ANXA4: variants seen among roughly 807,000 people sequenced by gnomAD.
ANXA4 encodes the protein 35-beta calcimedin.
A neutral mutation model predicts 49.8 loss-of-function variants in ANXA4; 39 were observed. The observed-to-expected ratio is 0.78, with a 90% confidence interval of 0.61 to 1.02. ANXA4 has a LOEUF of 1.02. Among genes scored for constraint, ANXA4 ranks in the 50% least tolerant of loss-of-function variants. ANXA4 has a pLI of 0.00. For synonymous variants in ANXA4, 134 were observed against 152.5 expected (o/e 0.88, Z 0.89); for missense variants, 360 against 410.1 (o/e 0.88, Z 1.05).
Position 69,820,793 on chromosome 2 carries a change from A to T in ANXA4, c.878A>T (p.Tyr293Phe), listed in dbSNP as rs759441724. 4 of 1,613,978 alleles carry T rather than the reference A, an allele frequency of 2.5e-6. No individual in the cohort carries two copies. In the African/African-American group the frequency reaches 4.0e-5, roughly 16 times the overall value. Reference protein sequence around the residue: ...LDIRAHFKRLYGKSLYSFIKG... With the variant: ...LDIRAHFKRLFGKSLYSFIKG... Reference sequence around the variant, plus strand: ...ATCCGGGCACACTTCAAGAGACTCTATGGAAAGTCTCTGTACTCGTTCATC... The same window carrying T: ...ATCCGGGCACACTTCAAGAGACTCTTTGGAAAGTCTCTGTACTCGTTCATC... Residue 293 changes from tyrosine to phenylalanine, a missense_variant, in exon 12 of 13, where the codon TAT becomes TTT. Tyr to Phe is a conservative substitution (Grantham distance 22). Transcript: ENST00000394295.
chr2:69,821,413 C>T (rs955523258), intron 12 of ANXA4, among the ~76,000 whole-genome samples: 8 of 152,120 alleles, frequency 5.3e-5, no homozygotes, highest in African/African-American at 1.7e-4. Flanking sequence ...GATCTGTGAA[C>T]TAAATATTCT....
intron 2 of ANXA4, among the ~76,000 whole-genome samples, chr2:69,696,327 T>C (rs6546542): frequency 0.99 from 150,112 of 152,352 alleles, 73,962 homozygotes; most frequent in East Asian, 1. Flanking sequence ...GAAAGCAATT[T>C]CTCATCTGTT....
chr2:69,651,244 G>A (rs1195501862), intron 1 of ANXA4, among the ~76,000 whole-genome samples: 1 of 152,136 alleles, frequency 6.6e-6, no homozygotes, highest in Non-Finnish European at 1.5e-5. Flanking sequence ...GGTTCCATGT[G>A]CCTAGAGTCC....
At chr2:69,693,002 A>C (rs1678025050) in intron 2 of ANXA4, among the ~76,000 whole-genome samples, 1 of 152,184 alleles carries the variant, frequency 6.6e-6, no homozygotes, top group Non-Finnish European at 1.5e-5. Flanking sequence ...AGGGATGGTC[A>C]GAGTGTTCAA....
chr2:69,782,583 G>T (rs1475098377), intron 2 of ANXA4, among the ~76,000 whole-genome samples: 5 of 152,100 alleles, frequency 3.3e-5, no homozygotes, highest in Admixed American at 1.3e-4. Context: ...TCAAACTCCT[G>T]GCCTCAAGCG....
At chr2:69,664,154 G>A (rs1048826074) in intron 2 of ANXA4, among the ~76,000 whole-genome samples, 3 of 152,210 alleles carry the variant, frequency 2.0e-5, no homozygotes, top group African/African-American at 7.2e-5. Flanking sequence ...TTTAAAATCT[G>A]AGGGAAAATA....
At chr2:69,726,174 TAGTG>T (rs1371847349) in intron 3 of ANXA4, among the ~76,000 whole-genome samples, 2 of 152,190 alleles carry the variant, frequency 1.3e-5, no homozygotes, top group African/African-American at 4.8e-5. Context: ...GTTCTCATGA[TAGTG>T]GGTGAGTTCA....
At position 69,797,406 on chromosome 2, in the gene ANXA4, A is replaced by AG. The variant is rs1290408581; in HGVS notation, c.98-7126dup. Among the ~76,000 whole-genome samples, 6 of 152,332 alleles carry AG rather than the reference A, an allele frequency of 3.9e-5. No individual in the cohort carries two copies. The East Asian group carries it at 7.7e-4, about 20-fold the overall frequency. On this transcript the variant is annotated intron_variant, in intron 3 of 12. Coordinates refer to ENST00000394295, the MANE Select transcript of ANXA4 (RefSeq NM_001153.5). ...TAGTCATGTTTACCCATATGACCTC[A>AG]GTCCTCTGCCTAATAATTGGGTAAT...
At chr2:69,698,262 T>C (rs1678220255) in intron 2 of ANXA4, among the ~76,000 whole-genome samples, 3 of 152,212 alleles carry the variant, frequency 2.0e-5, no homozygotes, top group African/African-American at 7.2e-5. Flanking sequence ...CGCCTCCTAA[T>C]ACCATCACCT....
intron 12 of ANXA4, among the ~76,000 whole-genome samples, chr2:69,823,318 C>A: frequency 6.7e-6 from 1 of 149,000 alleles, no homozygotes; most frequent in African/African-American, 2.5e-5. Flanking sequence ...ATTACTCATT[C>A]AATAATAGTT....
rs538275629 is a variant in ANXA4 at position 69,789,926 on chromosome 2, C to T, written c.97+1785C>T. Among the ~76,000 whole-genome samples, 6 of 152,172 alleles carry T rather than the reference C, an allele frequency of 3.9e-5. No homozygotes were observed. In the East Asian group the frequency reaches 1.2e-3, roughly 29 times the overall value. On this transcript the variant is annotated intron_variant, in intron 3 of 12. Transcript: ENST00000394295. ...TTTTTAGCTCCTCAATCTTACTGCG[C>T]CTAAAGGGAAGGAATATGCTTATTA...
At chr2:69,698,370 C>T (rs1298841288) in intron 2 of ANXA4, among the ~76,000 whole-genome samples, 1 of 152,220 alleles carries the variant, frequency 6.6e-6, no homozygotes, top group Non-Finnish European at 1.5e-5. Context: ...AGCCCCCACC[C>T]GCAGAAATTT....
chr2:69,806,336 G>A, intron 4 of ANXA4, 49 bp from the exon 5 acceptor site: 1 of 1,348,744 alleles, frequency 7.4e-7, no homozygotes, highest in Non-Finnish European at 1.1e-6. Flanking sequence ...GAGAGTAGCT[G>A]GTCTAATTTG....
At chr2:69,792,582 A>G (rs1023893362) in intron 3 of ANXA4, among the ~76,000 whole-genome samples, 3 of 131,258 alleles carry the variant, frequency 2.3e-5, no homozygotes, top group African/African-American at 3.2e-5. Context: ...GTTTACACGC[A>G]GTGTTTTTTT....
chr2:69,771,721 T>A (rs562573915), intron 1 of ANXA4, among the ~76,000 whole-genome samples: 3 of 152,352 alleles, frequency 2.0e-5, no homozygotes, highest in East Asian at 3.9e-4. Flanking sequence ...CAGATACAAC[T>A]GGGCAATTTG....
chr2:69,745,189 A>T (rs1381858136), intron 1 of ANXA4, among the ~76,000 whole-genome samples: 1 of 152,148 alleles, frequency 6.6e-6, no homozygotes, highest in African/African-American at 2.4e-5. Context: ...TGACATGTGG[A>T]TAAGGGAATA....
intron 8 of ANXA4, among the ~76,000 whole-genome samples, chr2:69,813,046 C>G (rs1299466743): frequency 6.6e-6 from 1 of 152,100 alleles, no homozygotes; most frequent in East Asian, 1.9e-4. Flanking sequence ...TTGATAGGAC[C>G]TATATAAAAT....
chr2:69,764,637 G>A (rs1290092204), intron 1 of ANXA4, among the ~76,000 whole-genome samples: 1 of 152,142 alleles, frequency 6.6e-6, no homozygotes, highest in Non-Finnish European at 1.5e-5. Flanking sequence ...ATGAGCCATC[G>A]TTTCTTTTAA....
At chr2:69,710,862 T>C (rs80216067) in intron 2 of ANXA4, among the ~76,000 whole-genome samples, 8,749 of 152,232 alleles carry the variant, frequency 0.057, 868 homozygotes, top group African/African-American at 0.2. Flanking sequence ...GAAATGAAAA[T>C]GATACAGCCC....
Sources: gnomAD v4.1 joint callset for allele counts (sites outside exome capture counted in the v4.1 genomes callset) on GRCh38, gnomAD v4.1.1 for gene constraint, MANE v1.5 for transcripts, NCBI Gene and HGNC (gene_info 2026-07-23, HGNC 2026-07-21) for gene names.